Variants in DLG2 observed in about 807,000 individuals in gnomAD.
The protein encoded by DLG2 is disks large homolog 2.
In DLG2, 45 loss-of-function variants were observed where a neutral mutation model predicts 132.5. The ratio of observed to expected loss-of-function variants is 0.34; its 90% CI spans 0.27 to 0.44. DLG2 has a LOEUF of 0.44. Among genes scored for constraint, DLG2 ranks in the 20% least tolerant of loss-of-function variants. The pLI, the probability that DLG2 is intolerant of heterozygous loss-of-function variation, is 1.00. For synonymous variants in DLG2, 424 were observed against 419.6 expected (o/e 1.01, Z -0.13); for missense variants, 1,045 against 1,196.9 (o/e 0.87, Z 1.87).
chr11:83,669,266 C>T (rs139306632), intron 18 of DLG2, among the ~76,000 whole-genome samples: 17 of 152,202 alleles, frequency 1.1e-4, no homozygotes, highest in African/African-American at 2.6e-4. Context: ...AAATAATATT[C>T]GCACCTCTAG....
At chr11:83,817,241 T>C (rs2049276452) in intron 17 of DLG2, among the ~76,000 whole-genome samples, 1 of 152,090 alleles carries the variant, frequency 6.6e-6, no homozygotes, top group Admixed American at 6.6e-5. Context: ...GTACCTAACT[T>C]GGAGGTGCTT....
intron 6 of DLG2, among the ~76,000 whole-genome samples, chr11:84,784,358 A>AATTAATT (rs1565953434): frequency 5.7e-4 from 76 of 132,290 alleles, no homozygotes; most frequent in South Asian, 1.0e-3. Flanking sequence ...ATAAATAAAT[A>AATTAATT]AATAAATAAA....
intron 7 of DLG2, among the ~76,000 whole-genome samples, chr11:84,387,384 T>C (rs949750559): frequency 7.9e-5 from 12 of 152,018 alleles, no homozygotes; most frequent in African/African-American, 2.4e-4. Context: ...AAATTGGTTA[T>C]ATAGAATTTA....
chr11:85,589,763 A>G (rs1277808140), intron 3 of DLG2, among the ~76,000 whole-genome samples: 1 of 151,878 alleles, frequency 6.6e-6, no homozygotes, highest in African/African-American at 2.4e-5. Flanking sequence ...CCAAGTTATA[A>G]GTTTCCCAGC....
At chr11:84,633,322 CTTAACT>C (rs1367821731) in intron 6 of DLG2, among the ~76,000 whole-genome samples, 2 of 152,148 alleles carry the variant, frequency 1.3e-5, no homozygotes, top group East Asian at 3.9e-4. Flanking sequence ...TTCAGCCACA[CTTAACT>C]ACCAGCCATT....
At chr11:85,206,150 G>C (rs767664624) in intron 4 of DLG2, among the ~76,000 whole-genome samples, 3 of 151,994 alleles carry the variant, frequency 2.0e-5, no homozygotes, top group Admixed American at 1.3e-4. Context: ...TCTTCCTCCT[G>C]CTGTGGCTAT....
At chr11:84,193,984 G>A (rs1355980700) in intron 8 of DLG2, among the ~76,000 whole-genome samples, 1 of 152,200 alleles carries the variant, frequency 6.6e-6, no homozygotes, top group Non-Finnish European at 1.5e-5. Context: ...TATTTGCTGA[G>A]TGGATTAATG....
At chr11:84,524,437 G>T (rs1283587337) in intron 7 of DLG2, among the ~76,000 whole-genome samples, 1 of 152,176 alleles carries the variant, frequency 6.6e-6, no homozygotes, top group East Asian at 1.9e-4. Flanking sequence ...AGGAGATTTT[G>T]TGCCTACATT....
At chr11:84,503,052 A>G (rs1475378875) in intron 7 of DLG2, among the ~76,000 whole-genome samples, 2 of 152,206 alleles carry the variant, frequency 1.3e-5, no homozygotes, top group Non-Finnish European at 2.9e-5. Flanking sequence ...CATTCTAAAA[A>G]TCTTCCTGGA....
intron 6 of DLG2, among the ~76,000 whole-genome samples, chr11:84,551,838 T>C (rs992657029): frequency 3.3e-5 from 5 of 152,180 alleles, no homozygotes; most frequent in East Asian, 1.9e-4. Flanking sequence ...TAGAATGCAA[T>C]TGGGAGAAAG....
chr11:85,238,036 T>C (rs189445900), intron 4 of DLG2, among the ~76,000 whole-genome samples: 65 of 152,066 alleles, frequency 4.3e-4, no homozygotes, highest in African/African-American at 1.5e-3. Context: ...ATATTCTTTG[T>C]GGATTTTTTT....
intron 6 of DLG2, among the ~76,000 whole-genome samples, chr11:85,020,470 T>C (rs992564993): frequency 1.3e-5 from 2 of 152,208 alleles, no homozygotes; most frequent in Non-Finnish European, 2.9e-5. Flanking sequence ...TTTAGTTAGA[T>C]CCCATTTGTC....
intron 7 of DLG2, among the ~76,000 whole-genome samples, chr11:84,296,914 C>T (rs980795075): frequency 6.6e-6 from 1 of 151,634 alleles, no homozygotes; most frequent in Non-Finnish European, 1.5e-5. Context: ...TAAGATATTC[C>T]AAATATCTTT....
At chr11:83,556,435 C>T (rs553289121) in intron 19 of DLG2, among the ~76,000 whole-genome samples, 75 of 150,890 alleles carry the variant, frequency 5.0e-4, no homozygotes, top group Non-Finnish European at 8.7e-4. Context: ...TGCAGTGGCG[C>T]GATCGTGACT....
chr11:84,148,573 G>C (rs190040669), intron 9 of DLG2, among the ~76,000 whole-genome samples: 21 of 152,244 alleles, frequency 1.4e-4, no homozygotes, highest in African/African-American at 4.6e-4. Flanking sequence ...TGGCTGTGTA[G>C]TATTCCATGT....
chr11:85,594,015 TG>T (rs2079556031), intron 3 of DLG2, among the ~76,000 whole-genome samples: 1 of 152,096 alleles, frequency 6.6e-6, no homozygotes, highest in Admixed American at 6.5e-5. Context: ...TGTTGATAAA[TG>T]AATAAAAATT....
chr11:83,839,758 T>C (rs1165750536), intron 16 of DLG2, among the ~76,000 whole-genome samples: 11 of 152,214 alleles, frequency 7.2e-5, no homozygotes, highest in Admixed American at 7.2e-4. Context: ...TCCAAAACCA[T>C]TGACACTCAA....
chr11:85,016,615 T>TCA (rs1166056852), intron 6 of DLG2, among the ~76,000 whole-genome samples: 3 of 152,090 alleles, frequency 2.0e-5, no homozygotes, highest in Non-Finnish European at 2.9e-5. Context: ...GGAAAGGAAC[T>TCA]CACACACACA....
chr11:84,584,728 G>A (rs868572220), intron 6 of DLG2, among the ~76,000 whole-genome samples: 9 of 112,626 alleles, frequency 8.0e-5, no homozygotes, highest in East Asian at 3.1e-4. Context: ...TCGCTCTGTC[G>A]CCCAGGCTGG....
Sources: allele counts gnomAD v4.1 joint callset (sites outside exome capture counted in the v4.1 genomes callset), GRCh38; gene constraint gnomAD v4.1.1; transcripts MANE v1.5; gene names NCBI Gene and HGNC (gene_info 2026-07-23, HGNC 2026-07-21).